Variants in CDC42BPA observed in about 807,000 individuals in gnomAD.
CDC42BPA encodes CDC42 binding protein kinase alpha.
CDC42BPA carries 80 observed loss-of-function variants against 223.5 expected under a neutral mutation model. The ratio of observed to expected loss-of-function variants is 0.36; its 90% CI spans 0.30 to 0.43. CDC42BPA has a LOEUF of 0.43. Among genes scored for constraint, CDC42BPA ranks in the 20% least tolerant of loss-of-function variants. The pLI, the probability that CDC42BPA is intolerant of heterozygous loss-of-function variation, is 1.00. For synonymous variants in CDC42BPA, 694 were observed against 718.6 expected (o/e 0.97, Z 0.55); for missense variants, 1,743 against 2,099.9 (o/e 0.83, Z 3.32).
At chr1:227,264,039 ATAATT>A (rs1684566958) in intron 1 of CDC42BPA, among the ~76,000 whole-genome samples, 1 of 152,216 alleles carries the variant, frequency 6.6e-6, no homozygotes, top group Non-Finnish European at 1.5e-5. Flanking sequence ...AGTGCAGAAT[ATAATT>A]TATACTTCCT....
chr1:227,208,887 G>T (rs199806374), intron 3 of CDC42BPA, among the ~76,000 whole-genome samples: 1 of 151,810 alleles, frequency 6.6e-6, no homozygotes, highest in Non-Finnish European at 1.5e-5. Flanking sequence ...TTCCAATTCT[G>T]TGAAGAAAGT....
intron 5 of CDC42BPA, among the ~76,000 whole-genome samples, chr1:227,188,616 C>T (rs979437821): frequency 2.6e-5 from 4 of 152,048 alleles, no homozygotes; most frequent in Non-Finnish European, 2.9e-5. Context: ...ATAAACTGTA[C>T]GATTCCAACT....
At chr1:227,096,578 C>T (rs1300482812) in intron 15 of CDC42BPA, among the ~76,000 whole-genome samples, 1 of 152,226 alleles carries the variant, frequency 6.6e-6, no homozygotes, top group East Asian at 1.9e-4. Flanking sequence ...TACATCCAAC[C>T]TGCTGGCCAC....
At chr1:227,196,338 C>CTTT (rs34352900) in intron 4 of CDC42BPA, among the ~76,000 whole-genome samples, 5,119 of 92,086 alleles carry the variant, frequency 0.056, 706 homozygotes, top group Non-Finnish European at 0.075. Context: ...TTAAACAATA[C>CTTT]TTTTTTTTTT....
chr1:227,231,452 T>C (rs539935156), intron 2 of CDC42BPA, among the ~76,000 whole-genome samples: 2 of 152,298 alleles, frequency 1.3e-5, no homozygotes, highest in Admixed American at 6.5e-5. Flanking sequence ...TATGTGTGCA[T>C]GTGTCTTTAT....
chr1:227,253,607 A>AATAAATAC (rs368046447), intron 2 of CDC42BPA, among the ~76,000 whole-genome samples: 16,309 of 116,180 alleles, frequency 0.14, 909 homozygotes, highest in Middle Eastern at 0.18. Context: ...AAAATAAATA[A>AATAAATAC]ATACATACAT....
At chr1:227,102,406 A>G (rs753110329) in intron 14 of CDC42BPA, among the ~76,000 whole-genome samples, 17 of 152,194 alleles carry the variant, frequency 1.1e-4, no homozygotes, top group Non-Finnish European at 2.1e-4. Context: ...AGCAAGGCAG[A>G]TTCTTGCTCT....
intron 14 of CDC42BPA, among the ~76,000 whole-genome samples, chr1:227,101,810 T>C (rs1436253726): frequency 6.6e-6 from 1 of 152,130 alleles, no homozygotes. Context: ...CACTTTTAGG[T>C]ATGATTAAGA....
intron 2 of CDC42BPA, among the ~76,000 whole-genome samples, chr1:227,240,152 T>C (rs1679781504): frequency 6.6e-6 from 1 of 152,092 alleles, no homozygotes; most frequent in South Asian, 2.1e-4. Context: ...TGTTTGAATG[T>C]AAAAATTTTA....
At chr1:227,084,692 T>A (rs1284426354) in intron 16 of CDC42BPA, among the ~76,000 whole-genome samples, 1 of 152,180 alleles carries the variant, frequency 6.6e-6, no homozygotes, top group Non-Finnish European at 1.5e-5. Context: ...TCTTCTTGAT[T>A]ACTCAACTTT....
intron 9 of CDC42BPA, 73 bp downstream of exon 9, chr1:227,142,872 C>T: frequency 7.3e-6 from 7 of 960,096 alleles, no homozygotes; most frequent in Non-Finnish European, 1.1e-5. Context: ...CCTGTCTTGG[C>T]CTCCCAAAGT....
At chr1:227,260,520 A>G (rs1458876445) in intron 1 of CDC42BPA, among the ~76,000 whole-genome samples, 1 of 150,148 alleles carries the variant, frequency 6.7e-6, no homozygotes, top group Non-Finnish European at 1.5e-5. Flanking sequence ...GTAGGAACAT[A>G]GATTGCAAGC....
rs559453825 is a variant in CDC42BPA, at chr1:227,306,627, A to G, written c.178+10378T>C. ...AACCATAAACTCTAGGAGAATCTCT[A>G]TAAGTAGAGAGTATGGAAAAGCTTT... On this transcript the variant is annotated intron_variant, in intron 1 of 36. Coordinates refer to ENST00000366766, the MANE Select transcript of CDC42BPA (RefSeq NM_001394014.1). Among the ~76,000 whole-genome samples the G allele has an allele frequency of 4.6e-5, 7 of 152,350 alleles. No homozygotes were observed. The South Asian group carries it at 8.3e-4, about 18-fold the overall frequency.
chr1:227,142,903 C>A (rs757362886), intron 9 of CDC42BPA, 42 bp downstream of exon 9: 3 of 1,361,216 alleles, frequency 2.2e-6, no homozygotes, highest in African/African-American at 1.5e-5. Flanking sequence ...CAGGCGTGAG[C>A]CACTGCACTT....
intron 10 of CDC42BPA, among the ~76,000 whole-genome samples, chr1:227,133,834 C>T (rs1023868658): frequency 1.1e-4 from 16 of 152,072 alleles, no homozygotes; most frequent in Admixed American, 3.3e-4. Context: ...TGCGGAAGGC[C>T]GCAGGGTCCT....
chr1:227,260,547 C>T (rs2148356346), intron 1 of CDC42BPA, among the ~76,000 whole-genome samples: 1 of 135,668 alleles, frequency 7.4e-6, no homozygotes, highest in Middle Eastern at 3.8e-3. Context: ...TGATAGCTAC[C>T]ATGGTGTCAG....
At chr1:227,012,626 T>C (rs1020673035) in intron 34 of CDC42BPA, among the ~76,000 whole-genome samples, 1 of 152,164 alleles carries the variant, frequency 6.6e-6, no homozygotes, top group Non-Finnish European at 1.5e-5. Flanking sequence ...AATATAAAAA[T>C]GTCTGGGACA....
At chr1:227,199,716 T>G in intron 3 of CDC42BPA, 64 bp from the exon 4 acceptor site, 1 of 778,130 alleles carries the variant, frequency 1.3e-6, no homozygotes, top group Admixed American at 2.0e-5. Context: ...ATACAAAGAA[T>G]TACTATGTTT....
chr1:227,132,141 C>G (rs1284855370), intron 10 of CDC42BPA, among the ~76,000 whole-genome samples: 5 of 150,262 alleles, frequency 3.3e-5, no homozygotes, highest in African/African-American at 1.2e-4. Flanking sequence ...TCTCCCTCTC[C>G]CCACGGTCTT....
Sources: allele counts gnomAD v4.1 joint callset (sites outside exome capture counted in the v4.1 genomes callset), GRCh38; gene constraint gnomAD v4.1.1; transcripts MANE v1.5; gene names NCBI Gene and HGNC (gene_info 2026-07-23, HGNC 2026-07-21).